Variants in KCTD8 observed in about 807,000 individuals in gnomAD.
KCTD8 encodes BTB/POZ domain-containing protein KCTD8.
In KCTD8, 27 loss-of-function variants were observed where a neutral mutation model predicts 31.5. That is an observed-to-expected ratio of 0.86 (90% CI 0.63 to 1.18). The LOEUF is 1.18. Among genes scored for constraint, KCTD8 ranks in the 50% most tolerant of loss-of-function variants. KCTD8 has a pLI of 0.00. For missense variants in KCTD8, 658 were observed against 647.7 expected, an observed-to-expected ratio of 1.02 and a Z score of -0.17; for synonymous variants, 290 against 280.0, an observed-to-expected ratio of 1.04 and a Z score of -0.36.
intron 1 of KCTD8, among the ~76,000 whole-genome samples, chr4:44,382,767 T>A (rs1401255740): frequency 6.6e-6 from 1 of 151,550 alleles, no homozygotes; most frequent in African/African-American, 2.4e-5. Flanking sequence ...ACAAGAATGT[T>A]CACTGTCATC....
chr4:44,243,690 GT>G (rs1445289370), intron 1 of KCTD8, among the ~76,000 whole-genome samples: 4 of 152,190 alleles, frequency 2.6e-5, no homozygotes, highest in Non-Finnish European at 5.9e-5. Context: ...CTATCACCTT[GT>G]AAAAAGTGAC....
At chr4:44,437,498 T>A (rs925823401) in intron 1 of KCTD8, among the ~76,000 whole-genome samples, 1 of 152,172 alleles carries the variant, frequency 6.6e-6, no homozygotes, top group Non-Finnish European at 1.5e-5. Flanking sequence ...TTAAAATTAA[T>A]CTAATCTGGA....
intron 1 of KCTD8, among the ~76,000 whole-genome samples, chr4:44,325,554 T>C (rs571037159): frequency 1.1e-4 from 16 of 151,930 alleles, no homozygotes; most frequent in Non-Finnish European, 2.2e-4. Flanking sequence ...CCATAATCCA[T>C]GCTGTGCTTA....
Position 44,292,345 on chromosome 4 carries a change from TATC to T in KCTD8, c.962-117098_962-117096del, listed in dbSNP as rs1717305490. The stretch of plus-strand genomic sequence containing the variant: ...TAGCAACATGGATGCAGCTGGAAGT[TATC>T]ATCCTAAGAGAATTAATGCAGGATC... On this transcript the variant is annotated intron_variant, in intron 1 of 1. Transcript: ENST00000360029. 2.0e-5 allele frequency among the ~76,000 whole-genome samples: 3 copies of T among 152,230 alleles called. No homozygotes were observed. The South Asian group carries it at 6.2e-4, about 32-fold the overall frequency.
In KCTD8 at chr4:44,174,894, T is replaced by C. The variant is rs1713158045; in HGVS notation, c.1318A>G (p.Met440Val). ...VCEKLSVEEE[M>V]KKCIQDFKKI... ...TTAAAATCCTGAATACACTTTTTCATTTCTTCTTCCACACTTAGCTTCTCA... is the reference window on the plus strand; with the variant it reads ...TTAAAATCCTGAATACACTTTTTCACTTCTTCTTCCACACTTAGCTTCTCA... Residue 440 changes from methionine (M) to valine (V), a missense_variant, in exon 2 of 2, where the codon ATG becomes GTG. By Grantham distance (21) the Met-to-Val change is conservative. Transcript: ENST00000360029. 1 of 1,614,050 alleles carries C rather than the reference T, an allele frequency of 6.2e-7. No homozygotes were observed. Among genetic ancestry groups the C allele is most frequent in the Non-Finnish European group, 8.5e-7 (1 of 1,180,020 alleles).
At chr4:44,342,000 A>G (rs1718910668) in intron 1 of KCTD8, among the ~76,000 whole-genome samples, 1 of 152,198 alleles carries the variant, frequency 6.6e-6, no homozygotes, top group African/African-American at 2.4e-5. Context: ...GGCAGGCAGG[A>G]AAACAACATT....
intron 1 of KCTD8, among the ~76,000 whole-genome samples, chr4:44,366,445 T>C (rs965684503): frequency 6.6e-6 from 1 of 152,236 alleles, no homozygotes; most frequent in Non-Finnish European, 1.5e-5. Flanking sequence ...TATTTTCTGC[T>C]GCCATGTGAA....
At chr4:44,249,495 A>G (rs1715764288) in intron 1 of KCTD8, among the ~76,000 whole-genome samples, 1 of 151,828 alleles carries the variant, frequency 6.6e-6, no homozygotes, top group Non-Finnish European at 1.5e-5. Flanking sequence ...TTTTCAGGCC[A>G]TAAGGTCTCA....
intron 1 of KCTD8, among the ~76,000 whole-genome samples, chr4:44,389,509 T>C (rs1189055845): frequency 1.3e-5 from 2 of 151,872 alleles, no homozygotes; most frequent in Non-Finnish European, 2.9e-5. Flanking sequence ...TATGATTCCA[T>C]ATGATTCCAT....
intron 1 of KCTD8, among the ~76,000 whole-genome samples, chr4:44,259,535 TA>T (rs764071750): frequency 1.1e-4 from 16 of 152,042 alleles, no homozygotes; most frequent in Non-Finnish European, 4.4e-5. Context: ...TCCCAAAAAG[TA>T]AATCTGTTTT....
intron 1 of KCTD8, among the ~76,000 whole-genome samples, chr4:44,181,863 C>A (rs2109330567): frequency 6.6e-6 from 1 of 151,962 alleles, no homozygotes; most frequent in South Asian, 2.1e-4. Flanking sequence ...CCGGCCGCGA[C>A]CCCGTCTGGG....
rs140373080 is a variant in KCTD8 at position 44,256,846 on chromosome 4, G to A, written c.962-81596C>T. On this transcript the variant is annotated intron_variant, in intron 1 of 1. Transcript: ENST00000360029. ...CCCTGACAACTCATTTTAGATTGCT[G>A]ACTTCCAGAACTGTTAAGATATTAA... 1.7e-3 allele frequency among the ~76,000 whole-genome samples: 252 copies of A among 152,016 alleles called. 3 individuals carry two copies. In the East Asian group the frequency reaches 0.018, roughly 11 times the overall value.
intron 1 of KCTD8, among the ~76,000 whole-genome samples, chr4:44,387,885 G>C (rs1158894949): frequency 6.6e-6 from 1 of 151,250 alleles, no homozygotes; most frequent in African/African-American, 2.4e-5. Flanking sequence ...ATAAACTTAA[G>C]AGCTGCATGG....
At chr4:44,410,775 T>C (rs1720934104) in intron 1 of KCTD8, among the ~76,000 whole-genome samples, 1 of 152,072 alleles carries the variant, frequency 6.6e-6, no homozygotes, top group Non-Finnish European at 1.5e-5. Flanking sequence ...AAGAACAGCA[T>C]AGGAAGACCT....
At chr4:44,234,595 G>A (rs994306922) in intron 1 of KCTD8, among the ~76,000 whole-genome samples, 1 of 152,136 alleles carries the variant, frequency 6.6e-6, no homozygotes, top group Non-Finnish European at 1.5e-5. Context: ...GAAGACAGCA[G>A]GGTATAACTC....
intron 1 of KCTD8, among the ~76,000 whole-genome samples, chr4:44,256,635 G>A (rs985666990): frequency 6.6e-6 from 1 of 151,838 alleles, no homozygotes; most frequent in Non-Finnish European, 1.5e-5. Flanking sequence ...TACTTATCCT[G>A]TATAATCTGA....
chr4:44,405,857 T>A (rs1018897323), intron 1 of KCTD8, among the ~76,000 whole-genome samples: 24 of 151,274 alleles, frequency 1.6e-4, no homozygotes, highest in African/African-American at 5.1e-4. Context: ...ATAGTACTGT[T>A]TTGTTTATCC....
At chr4:44,413,670 C>T (rs188175917) in intron 1 of KCTD8, among the ~76,000 whole-genome samples, 2 of 152,166 alleles carry the variant, frequency 1.3e-5, no homozygotes, top group East Asian at 3.9e-4. Context: ...ATTACTATAT[C>T]CAAAGAAAGA....
chr4:44,182,418 G>A (rs561693811), intron 1 of KCTD8, among the ~76,000 whole-genome samples: 1 of 152,332 alleles, frequency 6.6e-6, no homozygotes, highest in South Asian at 2.1e-4. Context: ...AGTAGACATG[G>A]GAGACTTCAC....
Sources: allele counts gnomAD v4.1 joint callset (sites outside exome capture counted in the v4.1 genomes callset), GRCh38; gene constraint gnomAD v4.1.1; transcripts MANE v1.5; gene names NCBI Gene and HGNC (gene_info 2026-07-23, HGNC 2026-07-21).